The following MPP4 variants were observed in gnomAD, a reference collection of about 807,000 sequenced individuals.
The protein encoded by MPP4 is MAGUK p55 scaffold protein 4, also known as MAGUK p55 subfamily member 4.
A neutral mutation model predicts 98.3 loss-of-function variants in MPP4; 91 were observed. The ratio of observed to expected loss-of-function variants is 0.93; its 90% CI spans 0.78 to 1.10. The LOEUF (loss-of-function observed/expected upper bound fraction) is 1.10, where lower values mean the gene tolerates loss of function less well. Among genes scored for constraint, MPP4 ranks in the 50% least tolerant of loss-of-function variants. MPP4 has a pLI of 0.00. For synonymous variants in MPP4, 261 were observed against 271.8 expected (o/e 0.96, Z 0.39); for missense variants, 744 against 792.9 (o/e 0.94, Z 0.74).
chr2:201,660,284 T>A (rs1379878560), intron 15 of MPP4, 48 bp downstream of exon 15: 1 of 1,521,370 alleles, frequency 6.6e-7, no homozygotes, highest in African/African-American at 1.4e-5. Flanking sequence ...CACTGAAAGA[T>A]CTTAAACATA....
chr2:201,664,913 G>A (rs1392022399), intron 13 of MPP4, among the ~76,000 whole-genome samples: 4 of 152,014 alleles, frequency 2.6e-5, no homozygotes, highest in Admixed American at 2.6e-4. Flanking sequence ...TATGTGCTAA[G>A]ATAGAGTCAC....
Position 201,645,201 on chromosome 2 carries a change from C to T in MPP4, c.*9G>A. ...ACAGTGTTAAAACTCCAGCATTAAA[C>T]AAGAAGTCTCATTGAGACTCAGTAT... On this transcript the variant is annotated 3_prime_UTR_variant, in exon 22 of 22. Transcript: ENST00000409474. 2 of 1,604,380 alleles carry T rather than the reference C, an allele frequency of 1.2e-6. No homozygotes were observed. The highest frequency in any genetic ancestry group is 1.3e-5 in the African/African-American group (1 of 74,608).
At chr2:201,671,186 C>A (rs909514735) in intron 11 of MPP4, among the ~76,000 whole-genome samples, 1 of 151,880 alleles carries the variant, frequency 6.6e-6, no homozygotes, top group Non-Finnish European at 1.5e-5. Context: ...TTTTTCATAC[C>A]CCAGTGGCGC....
At position 201,680,828 on chromosome 2, in the gene MPP4, C is replaced by T. The variant is rs775850781; in HGVS notation, c.929+10G>A. On this transcript the variant is annotated intron_variant, in intron 10 of 21. Coordinates refer to ENST00000409474, the MANE Select transcript of MPP4 (RefSeq NM_033066.3). ...TCAGCCCTGAGTCCAGGAGTGGTGACGTTCCTTACCTCTTCAGAAGGTGGT... is the reference window on the plus strand; with the variant it reads ...TCAGCCCTGAGTCCAGGAGTGGTGATGTTCCTTACCTCTTCAGAAGGTGGT... 14 of 1,602,164 alleles carry T rather than the reference C, an allele frequency of 8.7e-6. No homozygotes were observed. In the Middle Eastern group the frequency reaches 6.6e-4, roughly 76 times the overall value.
At chr2:201,679,998 A>G (rs1485370453) in intron 10 of MPP4, 1 of 152,176 alleles carries the variant, frequency 6.6e-6, no homozygotes, top group Non-Finnish European at 1.5e-5. Flanking sequence ...AGGACCCCAT[A>G]CAGTCTTGAT....
At chr2:201,664,401 G>C in intron 13 of MPP4, 53 of 1,054,738 alleles carry the variant, frequency 5.0e-5, no homozygotes, top group Non-Finnish European at 6.3e-5. Flanking sequence ...CAGAGGGAAG[G>C]GGAAAGTGGA....
intron 14 of MPP4, among the ~76,000 whole-genome samples, chr2:201,663,499 C>A (rs978785232): frequency 6.6e-6 from 1 of 152,088 alleles, no homozygotes; most frequent in African/African-American, 2.4e-5. Flanking sequence ...GAGAACCACT[C>A]GAGGCCTGGA....
At position 201,698,515 on chromosome 2, in the gene MPP4, A is replaced by G. The variant is rs542210099; in HGVS notation, c.-101+72T>C. ...CAGATTTATATCTTTAGCTATTAAAAACTGACAGGCAAGCTAGGCAGTTAT... is the reference window on the plus strand; with the variant it reads ...CAGATTTATATCTTTAGCTATTAAAGACTGACAGGCAAGCTAGGCAGTTAT... On this transcript the variant is annotated intron_variant, in intron 1 of 21. Coordinates refer to ENST00000409474, the MANE Select transcript of MPP4 (RefSeq NM_033066.3). The G allele has an allele frequency of 2.2e-4, 263 of 1,201,572 alleles. 1 individual carries two copies. The South Asian group carries it at 3.1e-3, about 14-fold the overall frequency. The allele number at this position is 1,201,572 out of a possible 1,614,324, so 74.4% of individuals were successfully genotyped here.
chr2:201,650,533 G>T (rs1231504573), intron 18 of MPP4: 1 of 985,248 alleles, frequency 1.0e-6, no homozygotes, highest in Non-Finnish European at 1.2e-6. Context: ...TTTGGATAGT[G>T]CATTTCCCAT....
At chr2:201,696,148 T>C (rs1238183820) in intron 1 of MPP4, among the ~76,000 whole-genome samples, 6 of 152,190 alleles carry the variant, frequency 3.9e-5, no homozygotes, top group Non-Finnish European at 7.3e-5. Flanking sequence ...ACACATTCCT[T>C]TCCAAACACC....
chr2:201,683,703 G>A (rs139581925), intron 7 of MPP4, among the ~76,000 whole-genome samples: 241 of 150,724 alleles, frequency 1.6e-3, no homozygotes, highest in African/African-American at 5.0e-3. Context: ...AATGAGCTGT[G>A]ATTGCCCTAC....
At chr2:201,663,787 TG>T (rs1178887701) in intron 14 of MPP4, among the ~76,000 whole-genome samples, 1 of 152,068 alleles carries the variant, frequency 6.6e-6, no homozygotes, top group Non-Finnish European at 1.5e-5. Flanking sequence ...AAGGCTGAGG[TG>T]GGAGGATCAC....
intron 11 of MPP4, among the ~76,000 whole-genome samples, chr2:201,674,886 C>G (rs1265848955): frequency 6.6e-6 from 1 of 152,110 alleles, no homozygotes; most frequent in Admixed American, 6.5e-5. Flanking sequence ...GTGGCTCCAT[C>G]TGGACCCACC....
At chr2:201,672,210 C>T (rs1003989720) in intron 11 of MPP4, among the ~76,000 whole-genome samples, 12 of 152,106 alleles carry the variant, frequency 7.9e-5, no homozygotes, top group Admixed American at 7.9e-4. Flanking sequence ...AGAACAAAGA[C>T]ACAATGTACC....
Position 201,690,270 on chromosome 2 carries a change from A to T in MPP4, c.211T>A (p.Cys71Ser). The change falls in exon 4 of 22, where the codon TGC becomes AGC. Residue 71 changes from cysteine (C) to serine (S), a missense_variant. Transcript: ENST00000409474. Reference protein sequence around the residue: ...WLQALLKIYDCLQEFKEKKLV... With the variant: ...WLQALLKIYDSLQEFKEKKLV... ...TTCTTTTCTTTAAATTCCTGGAGGC[A>T]GTCATAAATCTGCAGAAGGACAAGG... is the stretch of plus-strand genomic sequence containing the variant. 1 of 1,604,112 alleles carries T rather than the reference A, an allele frequency of 6.2e-7. No individual in the cohort carries two copies. Among genetic ancestry groups the T allele is most frequent in the Non-Finnish European group, 8.5e-7 (1 of 1,174,522 alleles).
intron 14 of MPP4, among the ~76,000 whole-genome samples, chr2:201,663,850 C>T (rs554970172): frequency 1.3e-5 from 2 of 152,030 alleles, no homozygotes; most frequent in East Asian, 3.9e-4. Context: ...CCACTGCACT[C>T]CAGCCTGAGT....
chr2:201,650,721 T>C (rs1410010965), intron 18 of MPP4: 2 of 985,420 alleles, frequency 2.0e-6, no homozygotes, highest in Non-Finnish European at 2.4e-6. Context: ...CAACAATAGA[T>C]TCTCAAATTT....
chr2:201,648,361 C>T (rs149150990), intron 20 of MPP4, among the ~76,000 whole-genome samples: 1 of 152,336 alleles, frequency 6.6e-6, no homozygotes, highest in East Asian at 1.9e-4. Flanking sequence ...CTAGAGTGAA[C>T]ATGAAGCTTC....
In MPP4 at chr2:201,650,112, C is replaced by T. The variant is rs767678219; in HGVS notation, c.1435G>A (p.Val479Met). 25 of 1,581,158 alleles carry T rather than the reference C, an allele frequency of 1.6e-5. No individual in the cohort carries two copies. In the Admixed American group the frequency reaches 4.2e-4, roughly 26 times the overall value. Reference protein sequence around the residue: ...YEMNGREYHYVSKETFENLIY... With the variant: ...YEMNGREYHYMSKETFENLIY... ...AGGTTTTCAAATGTTTCCTTGGACA[C>T]ATAGTGATACTCACGCCCATTCATT... Residue 479 changes from valine (V) to methionine (M), a missense_variant, in exon 19 of 22, where the codon GTG becomes ATG. Transcript: ENST00000409474.
Sources: gnomAD v4.1 joint callset for allele counts (sites outside exome capture counted in the v4.1 genomes callset) on GRCh38, gnomAD v4.1.1 for gene constraint, MANE v1.5 for transcripts, NCBI Gene and HGNC (gene_info 2026-07-23, HGNC 2026-07-21) for gene names.